The following TSPAN1 variants were observed in gnomAD, a reference collection of about 807,000 sequenced individuals.
The protein encoded by TSPAN1 is tetraspanin-1.
TSPAN1 carries 23 observed loss-of-function variants against 26.9 expected under a neutral mutation model. That is an observed-to-expected ratio of 0.85 (90% confidence interval 0.62 to 1.21). The LOEUF (loss-of-function observed/expected upper bound fraction) is 1.21, where lower values mean the gene tolerates loss of function less well. Among genes scored for constraint, TSPAN1 ranks in the 50% most tolerant of loss-of-function variants. The pLI is 0.00. For missense variants in TSPAN1, 283 were observed against 298.4 expected, an observed-to-expected ratio of 0.95 and a Z score of 0.38; for synonymous variants, 115 against 114.8, an observed-to-expected ratio of 1.00 and a Z score of -0.01.
downstream of TSPAN1, chr1:46,190,373 C>T: frequency 3.4e-6 from 5 of 1,453,410 alleles, no homozygotes; most frequent in Non-Finnish European, 4.8e-6. Context: ...GATGAGGGCC[C>T]TGATTTTCAT....
At chr1:46,182,956 G>T (rs1657346447) in intron 3 of TSPAN1, among the ~76,000 whole-genome samples, 1 of 152,114 alleles carries the variant, frequency 6.6e-6, no homozygotes, top group South Asian at 2.1e-4. Context: ...AGGACTACAG[G>T]AGTGTGCCAC....
rs539092762 is a variant in TSPAN1 at position 46,175,558 on chromosome 1, AAGCTTCTGGGCT to A, written c.-142+161_-142+172del. On this transcript the variant is annotated intron_variant, in intron 1 of 8. Transcript: ENST00000372003. ...AGGAGATGCAGGTCCAGGGCAAACC[AAGCTTCTGGGCT>A]AGCTTCTGGGCACTTCTAGAGGATC... 130 of 398,896 alleles carry A rather than the reference AAGCTTCTGGGCT, an allele frequency of 3.3e-4. 1 individual carries two copies. The South Asian group carries it at 0.014, about 44-fold the overall frequency. The allele number at this position is 398,896 out of a possible 1,614,324, so 24.7% of individuals were successfully genotyped here.
At position 46,180,959 on chromosome 1, in the gene TSPAN1, G is replaced by C. The variant is rs969245578; in HGVS notation, c.-8-141G>C. The C allele has an allele frequency of 4.4e-6, 3 of 688,246 alleles. No homozygotes were observed. In the Admixed American group the frequency reaches 7.3e-5, roughly 17 times the overall value. The allele number at this position is 688,246 out of a possible 1,614,324, so 42.6% of individuals were successfully genotyped here. On this transcript the variant is annotated intron_variant, in intron 2 of 8. Coordinates refer to ENST00000372003, the MANE Select transcript of TSPAN1 (RefSeq NM_005727.4). Reference sequence around the variant, plus strand: ...AGAAACTGGGAAAAGGTCTGTGTCAGACCAGGTACAGGAGAAGCTTGGTGA... The same window carrying C: ...AGAAACTGGGAAAAGGTCTGTGTCACACCAGGTACAGGAGAAGCTTGGTGA...
chr1:46,183,400 G>GC lies in TSPAN1; in HGVS notation c.58-790dup, dbSNP rs1454464761. The GC allele has an allele frequency of 7.2e-5, 11 of 152,392 alleles. No individual in the cohort carries two copies. The East Asian group carries it at 1.5e-3, about 21-fold the overall frequency. 9.4% of individuals were successfully genotyped at this position (152,392 alleles called of 1,614,324 possible). A position where few individuals can be genotyped will look rare whatever the true frequency, so the allele number is the denominator to read the frequency against. On this transcript the variant is annotated intron_variant, in intron 3 of 8. Transcript: ENST00000372003. Reference sequence around the variant, plus strand: ...GTTCTAGCCTCAGTTTTTATAGCTGGCAAGTGAGGACTAGTCACCAAGGTG... The same window carrying GC: ...GTTCTAGCCTCAGTTTTTATAGCTGGCCAAGTGAGGACTAGTCACCAAGGTG...
intron 1 of TSPAN1, among the ~76,000 whole-genome samples, chr1:46,177,351 A>ATCTATCTATC (rs75971409): frequency 2.7e-5 from 4 of 147,778 alleles, no homozygotes; most frequent in East Asian, 2.0e-4. Flanking sequence ...AAAAAAAAAT[A>ATCTATCTATC]TATCTATCTA....
In TSPAN1 at chr1:46,184,639, G is replaced by A; in HGVS notation, c.310G>A (p.Ala104Thr). The A allele has an allele frequency of 6.2e-7, 1 of 1,614,128 alleles. No individual in the cohort carries two copies. Among genetic ancestry groups the A allele is most frequent in the Non-Finnish European group, 8.5e-7 (1 of 1,180,040 alleles). ...CATCTTCATTGCTGAGGTTGCAGCT[G>A]CTGTGGTCGCCTTGGTGTACACCAC... The part of the protein sequence containing the change: ...LLIFIAEVAA[A>T]VVALVYTTMA... Residue 104 changes from alanine to threonine, a missense_variant, in exon 5 of 9, where the codon GCT becomes ACT. Physicochemically the swap from Ala to Thr is moderately conservative, Grantham distance 58 (BLOSUM62 0). Transcript: ENST00000372003.
chr1:46,180,007 GAA>G (rs1051180829), intron 1 of TSPAN1, among the ~76,000 whole-genome samples: 38 of 150,130 alleles, frequency 2.5e-4, no homozygotes, highest in Admixed American at 1.1e-3. Flanking sequence ...GTGTGTGAGT[GAA>G]AGAGATACTT....
the TSPAN1 span, among the ~76,000 whole-genome samples, chr1:46,196,379 AAGGT>A: frequency 2.6e-5 from 4 of 152,152 alleles, no homozygotes; most frequent in African/African-American, 9.7e-5. The surrounding 1 kb of genome is among the most constrained non-coding windows in gnomAD (Gnocchi z 4.4). Context: ...TGAACCCCTC[AAGGT>A]AGGGCCAGGT....
downstream of TSPAN1, among the ~76,000 whole-genome samples, chr1:46,187,614 T>A (rs980845265): frequency 2.0e-5 from 3 of 152,160 alleles, no homozygotes; most frequent in Non-Finnish European, 4.4e-5. Flanking sequence ...CTAGCCTGCC[T>A]CACCCCTTCA....
At chr1:46,186,665 T>TG (rs538460387), downstream of TSPAN1, among the ~76,000 whole-genome samples, 60 of 51,744 alleles carry the variant, frequency 1.2e-3, 2 homozygotes, top group South Asian at 0.033. Flanking sequence ...AATTTTTGTG[T>TG]TTTTTTTTTT....
intron 1 of TSPAN1, among the ~76,000 whole-genome samples, chr1:46,179,989 T>TGTGTGTGTGTGTGTGTGTGTGTGTG (rs1657277485): frequency 4.4e-5 from 6 of 135,490 alleles, no homozygotes; most frequent in African/African-American, 1.9e-4. Flanking sequence ...GTGTGTGTGT[T>TGTGTGTGTGTGTGTGTGTGTGTGTG]TGTGTGTGTG....
the TSPAN1 span, chr1:46,192,127 C>A: frequency 1.9e-6 from 3 of 1,614,108 alleles, no homozygotes; most frequent in South Asian, 1.1e-5. Context: ...TTGAGGCCGA[C>A]GATGCCAAAG....
At chr1:46,192,439 G>C in the TSPAN1 span, 3 of 1,614,146 alleles carry the variant, frequency 1.9e-6, no homozygotes, top group Non-Finnish European at 2.5e-6. Context: ...TCATACCCCT[G>C]GGGACAGGGT....
intron 1 of TSPAN1, chr1:46,175,872 GTTT>G (rs34832129): frequency 2.7e-4 from 83 of 307,910 alleles, no homozygotes; most frequent in Non-Finnish European, 3.3e-4. Context: ...ACTGGCTCTG[GTTT>G]TTTTTTTTTT....
downstream of TSPAN1, chr1:46,189,148 C>T: frequency 2.0e-6 from 3 of 1,499,448 alleles, no homozygotes; most frequent in Non-Finnish European, 2.7e-6. Flanking sequence ...AATTAAGTCT[C>T]ATGTTAAAAA....
chr1:46,190,546 G>T (rs1657683754), downstream of TSPAN1: 4 of 1,578,966 alleles, frequency 2.5e-6, no homozygotes, highest in East Asian at 9.0e-5. Flanking sequence ...TGGGTCAGGG[G>T]AGTGGGCAGG....
chr1:46,193,883 C>A, the TSPAN1 span: 1 of 1,614,174 alleles, frequency 6.2e-7, no homozygotes, highest in Non-Finnish European at 8.5e-7. Context: ...CGGTTCCCTG[C>A]AATGACAGCC....
chr1:46,184,444 C>T (rs749452131), intron 4 of TSPAN1, 47 bp downstream of exon 4: 2 of 1,612,218 alleles, frequency 1.2e-6, no homozygotes, highest in East Asian at 2.2e-5. Flanking sequence ...AGTCCCCTCG[C>T]CCTTGACACC....
Position 46,185,135 on chromosome 1 carries a change from G to GGTGGGGACTGTTTTCATGGCCTCAGA in TSPAN1, c.594+25_594+50dup, listed in dbSNP as rs1240699584. 1.9e-6 allele frequency: 3 copies of GGTGGGGACTGTTTTCATGGCCTCAGA among 1,614,102 alleles called. No homozygotes were observed. The highest frequency in any genetic ancestry group is 2.5e-6 in the Non-Finnish European group (3 of 1,180,042). On this transcript the variant is annotated intron_variant, in intron 7 of 8. Transcript: ENST00000372003. Reference sequence around the variant, plus strand: ...GTAGAGGTGTGGGCTGGCATGAGTGGGTGGGGACTGTTTTCATGGCCTCAG... The same window carrying GGTGGGGACTGTTTTCATGGCCTCAGA: ...GTAGAGGTGTGGGCTGGCATGAGTGGGTGGGGACTGTTTTCATGGCCTCAGAGTGGGGACTGTTTTCATGGCCTCAG...
Sources: gnomAD v4.1 joint callset for allele counts (sites outside exome capture counted in the v4.1 genomes callset) on GRCh38, gnomAD v4.1.1 for gene constraint, Gnocchi (gnomAD v3.1) non-coding constraint, MANE v1.5 for transcripts, NCBI Gene and HGNC (gene_info 2026-07-23, HGNC 2026-07-21) for gene names.